Variants in EPB41 observed in about 807,000 individuals in gnomAD.
EPB41 encodes erythrocyte membrane protein band 4.1, also known as protein 4.1.
In EPB41, 65 loss-of-function variants were observed where a neutral mutation model predicts 108.0. That is an observed-to-expected ratio of 0.60 (90% CI 0.49 to 0.74). The LOEUF (loss-of-function observed/expected upper bound fraction) is 0.74, where lower values mean the gene tolerates loss of function less well. Ranked by LOEUF, EPB41 falls within the 30% of genes least tolerant of loss-of-function variation. The pLI is 0.00. For missense variants in EPB41, 875 were observed against 1,037.0 expected (o/e 0.84, Z 2.15); for synonymous variants, 336 against 358.9 (o/e 0.94, Z 0.72).
chr1:28,937,082 T>A (rs2094063063), intron 1 of EPB41, among the ~76,000 whole-genome samples: 1 of 152,198 alleles, frequency 6.6e-6, no homozygotes. Context: ...TTGTTTTCCT[T>A]TGTAAAAAAA....
At position 28,951,115 on chromosome 1, in the gene EPB41, A is replaced by G. The variant is rs545768337; in HGVS notation, c.-7-36316A>G. 1.1e-3 allele frequency among the ~76,000 whole-genome samples: 168 copies of G among 152,258 alleles called. 1 individual carries two copies. The highest frequency in any genetic ancestry group is 3.6e-3 in the African/African-American group (150 of 41,556). ...CTCCCAAAGTGCTGGGATTACAGGC[A>G]TGAGCCACCGTGCCCAGCCCTCTGT... is the stretch of plus-strand genomic sequence containing the variant. On this transcript the variant is annotated intron_variant, in intron 1 of 20. Transcript: ENST00000343067.
chr1:28,945,019 A>G (rs2094443662), intron 1 of EPB41, among the ~76,000 whole-genome samples: 1 of 150,924 alleles, frequency 6.6e-6, no homozygotes. Flanking sequence ...TGAATCTGGG[A>G]TGCGGAGGTT....
intron 10 of EPB41, among the ~76,000 whole-genome samples, chr1:29,038,086 A>C (rs77075841): frequency 1.3e-5 from 2 of 152,216 alleles, no homozygotes; most frequent in African/African-American, 2.4e-5. Flanking sequence ...GATAATCCTG[A>C]TATCTTTTCC....
chr1:28,992,724 A>G (rs979917672), intron 2 of EPB41, among the ~76,000 whole-genome samples: 14 of 152,132 alleles, frequency 9.2e-5, no homozygotes, highest in African/African-American at 3.4e-4. Flanking sequence ...TATCCTACTT[A>G]TCGGTATTAT....
intron 1 of EPB41, among the ~76,000 whole-genome samples, chr1:28,918,913 T>G (rs948234665): frequency 6.6e-6 from 1 of 152,118 alleles, no homozygotes; most frequent in African/African-American, 2.4e-5. Context: ...TTTTTAAGAG[T>G]GGGTTCATGG....
At chr1:28,942,068 C>A (rs1325653570) in intron 1 of EPB41, among the ~76,000 whole-genome samples, 1 of 152,056 alleles carries the variant, frequency 6.6e-6, no homozygotes, top group Non-Finnish European at 1.5e-5. Flanking sequence ...TCTTTCTTTT[C>A]ATAAATTTTT....
At position 29,119,187 on chromosome 1, in the gene EPB41, GC is replaced by G. The variant is rs1671465655; in HGVS notation, c.*2378del. 1 of 152,600 alleles carries G rather than the reference GC, an allele frequency of 6.6e-6. No homozygotes were observed. The highest frequency in any genetic ancestry group is 1.5e-5 in the Non-Finnish European group (1 of 68,028). The allele number at this position is 152,600 out of a possible 1,614,324, so 9.5% of individuals were successfully genotyped here. A position where few individuals can be genotyped will look rare whatever the true frequency, so the allele number is the denominator to read the frequency against. Reference sequence around the variant, plus strand: ...TCTTAGAAGCCATAGATTTGGACAAGCCCAGCAAGATGGGTGTCCTTCCAGG... The same window carrying G: ...TCTTAGAAGCCATAGATTTGGACAAGCCAGCAAGATGGGTGTCCTTCCAGG... On this transcript the variant is annotated 3_prime_UTR_variant, in exon 21 of 21. Coordinates refer to ENST00000343067, the MANE Select transcript of EPB41 (RefSeq NM_001376013.1).
intron 11 of EPB41, among the ~76,000 whole-genome samples, chr1:29,048,426 G>C (rs562219650): frequency 6.6e-6 from 1 of 151,818 alleles, no homozygotes; most frequent in Admixed American, 6.6e-5. Context: ...GTTGAGGCTG[G>C]TCTCGAACTC....
chr1:29,056,820 C>G lies in EPB41; in HGVS notation c.1846-1769C>G, dbSNP rs886401313. Reference sequence around the variant, plus strand: ...AGATTACAGGCGTGAGCCACCGTACCCGGCTGGCCTCAATTCTTAAACTGA... The same window carrying G: ...AGATTACAGGCGTGAGCCACCGTACGCGGCTGGCCTCAATTCTTAAACTGA... On this transcript the variant is annotated intron_variant, in intron 12 of 20. Transcript: ENST00000343067. Among the ~76,000 whole-genome samples, 21 of 152,258 alleles carry G rather than the reference C, an allele frequency of 1.4e-4. No individual in the cohort carries two copies. The East Asian group carries it at 3.7e-3, about 27-fold the overall frequency.
chr1:28,944,534 G>GTTTTT lies in EPB41; in HGVS notation c.-8+29785_-8+29789dup, dbSNP rs55849161. 6.0e-4 allele frequency among the ~76,000 whole-genome samples: 58 copies of GTTTTT among 97,418 alleles called. 1 individual carries two copies. The highest frequency in any genetic ancestry group is 6.8e-4 in the South Asian group (2 of 2,954). 63.9% of individuals were successfully genotyped at this position (97,418 alleles called of 152,430 possible). ...ATTAAACATAAAACTCTCAGATCTG[G>GTTTTT]TTTTTTTTTTTTTTTTTTTTTTTGA... On this transcript the variant is annotated intron_variant, in intron 1 of 20. Transcript: ENST00000343067.
intron 1 of EPB41, among the ~76,000 whole-genome samples, chr1:28,947,370 T>C (rs2148892240): frequency 6.6e-6 from 1 of 151,666 alleles, no homozygotes; most frequent in South Asian, 2.1e-4. Context: ...ATCGCACCAC[T>C]GCACTCCCGT....
At chr1:29,013,014 CAG>C (rs1323564938) in intron 5 of EPB41, among the ~76,000 whole-genome samples, 2 of 151,792 alleles carry the variant, frequency 1.3e-5, no homozygotes, top group African/African-American at 2.4e-5. Flanking sequence ...AAAAAGTTAA[CAG>C]AGTTTATGAT....
intron 11 of EPB41, among the ~76,000 whole-genome samples, chr1:29,047,183 G>A (rs1477674608): frequency 1.3e-5 from 2 of 150,880 alleles, no homozygotes; most frequent in Non-Finnish European, 2.9e-5. Flanking sequence ...ATTAGATAAG[G>A]GACTATTAAA....
chr1:28,951,259 G>T (rs930039580), intron 1 of EPB41, among the ~76,000 whole-genome samples: 1 of 151,940 alleles, frequency 6.6e-6, no homozygotes, highest in Non-Finnish European at 1.5e-5. Context: ...ACTTCTGCTG[G>T]GTTCAGTGGC....
chr1:28,932,215 C>T (rs1012170697), intron 1 of EPB41, among the ~76,000 whole-genome samples: 1 of 152,106 alleles, frequency 6.6e-6, no homozygotes, highest in Admixed American at 6.5e-5. Context: ...CTCCGCCTCC[C>T]GAATTCAAGT....
At chr1:29,085,957 C>A (rs1658721205) in intron 16 of EPB41, among the ~76,000 whole-genome samples, 1 of 152,144 alleles carries the variant, frequency 6.6e-6, no homozygotes, top group Admixed American at 6.5e-5. Context: ...GCTTATAATT[C>A]TTTCCTCTAA....
At chr1:28,970,352 T>C (rs1431808041) in intron 1 of EPB41, among the ~76,000 whole-genome samples, 1 of 152,164 alleles carries the variant, frequency 6.6e-6, no homozygotes, top group Non-Finnish European at 1.5e-5. Context: ...ACTAAAATAG[T>C]CTTATGGTAT....
intron 16 of EPB41, among the ~76,000 whole-genome samples, chr1:29,074,040 G>T (rs185332087): frequency 6.6e-6 from 1 of 152,090 alleles, no homozygotes. Flanking sequence ...GACACATGAG[G>T]CATTAGAGAT....
chr1:28,951,520 CAG>C (rs1323912011), intron 1 of EPB41, among the ~76,000 whole-genome samples: 1 of 152,090 alleles, frequency 6.6e-6, no homozygotes, highest in Non-Finnish European at 1.5e-5. Context: ...CCTAGGCAGA[CAG>C]AAGTTGTCCA....
Sources: allele counts gnomAD v4.1 joint callset (sites outside exome capture counted in the v4.1 genomes callset), GRCh38; gene constraint gnomAD v4.1.1; transcripts MANE v1.5; gene names NCBI Gene and HGNC (gene_info 2026-07-23, HGNC 2026-07-21).